Variants in NR6A1 observed in about 807,000 individuals in gnomAD.
NR6A1 encodes the protein nuclear receptor subfamily 6 group A member 1.
Under a neutral mutation model 59.1 loss-of-function variants are expected in NR6A1, and 7 were observed. That is an observed-to-expected ratio of 0.12 (90% CI 0.07 to 0.22). The LOEUF is 0.22. Among genes scored for constraint, NR6A1 ranks in the 10% least tolerant of loss-of-function variants. The pLI, the probability that NR6A1 is intolerant of heterozygous loss-of-function variation, is 1.00. For synonymous variants in NR6A1, 243 were observed against 236.1 expected (o/e 1.03, Z -0.27); for missense variants, 468 against 611.6 (o/e 0.77, Z 2.48).
chr9:124,530,331 G>C (rs1410160980), intron 7 of NR6A1, among the ~76,000 whole-genome samples: 1 of 152,136 alleles, frequency 6.6e-6, no homozygotes, highest in Non-Finnish European at 1.5e-5. Flanking sequence ...TGACTGCAAA[G>C]CTTTCCTCCA....
At chr9:124,565,235 T>C (rs1019974061) in intron 2 of NR6A1, among the ~76,000 whole-genome samples, 1 of 152,100 alleles carries the variant, frequency 6.6e-6, no homozygotes, top group Non-Finnish European at 1.5e-5. Context: ...AAGACCATCC[T>C]GGCTAACACG....
At chr9:124,536,657 T>C (rs1833275937) in intron 6 of NR6A1, among the ~76,000 whole-genome samples, 1 of 149,070 alleles carries the variant, frequency 6.7e-6, no homozygotes. Context: ...AGAGCAAGAC[T>C]CTGTCTAAAA....
At chr9:124,572,372 C>G (rs546686161) in intron 2 of NR6A1, among the ~76,000 whole-genome samples, 1 of 152,132 alleles carries the variant, frequency 6.6e-6, no homozygotes, top group Admixed American at 6.5e-5. Context: ...CATCTAAAGA[C>G]AACTTCAAGA....
chr9:124,553,395 C>T (rs2131383066), intron 3 of NR6A1, among the ~76,000 whole-genome samples: 1 of 152,258 alleles, frequency 6.6e-6, no homozygotes, highest in African/African-American at 2.4e-5. Context: ...CATCTCAGTT[C>T]CAATCCTATA....
chr9:124,764,886 G>A (rs1289887452), intron 1 of NR6A1, among the ~76,000 whole-genome samples: 1 of 152,176 alleles, frequency 6.6e-6, no homozygotes, highest in African/African-American at 2.4e-5. Flanking sequence ...GCTGCCCAGG[G>A]AATTGGTTTT....
At chr9:124,566,999 T>C (rs1410152194) in intron 2 of NR6A1, among the ~76,000 whole-genome samples, 1 of 150,532 alleles carries the variant, frequency 6.6e-6, no homozygotes, top group Non-Finnish European at 1.5e-5. Flanking sequence ...TCCCAGCTAC[T>C]TGGGAGGCTG....
intron 2 of NR6A1, among the ~76,000 whole-genome samples, chr9:124,709,963 A>G (rs1420495406): frequency 1.3e-5 from 2 of 151,670 alleles, no homozygotes; most frequent in Non-Finnish European, 2.9e-5. Context: ...AAAAAAAAAG[A>G]AACCCAGTAC....
chr9:124,695,689 G>A (rs982873512), intron 2 of NR6A1, among the ~76,000 whole-genome samples: 3 of 152,132 alleles, frequency 2.0e-5, no homozygotes, highest in African/African-American at 7.2e-5. Context: ...CTTTATAGAA[G>A]AGTTTTTTGT....
intron 2 of NR6A1, among the ~76,000 whole-genome samples, chr9:124,674,495 T>A (rs1472189018): frequency 6.6e-6 from 1 of 152,054 alleles, no homozygotes; most frequent in Admixed American, 6.5e-5. Context: ...TAAGTATCTA[T>A]CTTACTGGGT....
At chr9:124,750,479 G>A (rs1418261433) in intron 1 of NR6A1, among the ~76,000 whole-genome samples, 1 of 152,152 alleles carries the variant, frequency 6.6e-6, no homozygotes, top group Non-Finnish European at 1.5e-5. Flanking sequence ...TAAATAAATA[G>A]GCCAGGCGCG....
At chr9:124,694,628 G>C (rs553711126) in intron 2 of NR6A1, among the ~76,000 whole-genome samples, 1 of 152,096 alleles carries the variant, frequency 6.6e-6, no homozygotes, top group African/African-American at 2.4e-5. Flanking sequence ...TGTAACATGA[G>C]ATAAGCCACT....
chr9:124,610,020 GT>G (rs1453333157), intron 2 of NR6A1, among the ~76,000 whole-genome samples: 1 of 152,086 alleles, frequency 6.6e-6, no homozygotes, highest in Non-Finnish European at 1.5e-5. Flanking sequence ...GAAATGATGG[GT>G]TTTTTATAGG....
chr9:124,683,248 G>A (rs2130999008), intron 2 of NR6A1, among the ~76,000 whole-genome samples: 1 of 134,670 alleles, frequency 7.4e-6, no homozygotes, highest in Admixed American at 6.9e-5. Flanking sequence ...AAAAGGAAAA[G>A]GAAAAGGAAA....
intron 7 of NR6A1, among the ~76,000 whole-genome samples, chr9:124,534,883 C>T (rs947547479): frequency 6.6e-6 from 1 of 152,222 alleles, no homozygotes. Flanking sequence ...GTAATCCCAG[C>T]ACTTTGGAAG....
intron 2 of NR6A1, among the ~76,000 whole-genome samples, chr9:124,707,650 T>C (rs1385920716): frequency 1.3e-5 from 2 of 152,128 alleles, no homozygotes; most frequent in Admixed American, 6.6e-5. Flanking sequence ...CCCACTAAGG[T>C]TGGTGGTGAT....
intron 6 of NR6A1, 90 bp downstream of exon 6, chr9:124,538,002 G>A: frequency 1.9e-6 from 2 of 1,045,200 alleles, no homozygotes; most frequent in Non-Finnish European, 2.8e-6. Flanking sequence ...TCATTCTGAA[G>A]CCACGGGTAT....
chr9:124,602,514 G>C (rs1835474945), intron 2 of NR6A1, among the ~76,000 whole-genome samples: 1 of 152,330 alleles, frequency 6.6e-6, no homozygotes. Flanking sequence ...CTTGGGGGCA[G>C]AGTAAAGTGA....
At chr9:124,658,071 T>C (rs981477426) in intron 2 of NR6A1, among the ~76,000 whole-genome samples, 1 of 152,100 alleles carries the variant, frequency 6.6e-6, no homozygotes, top group Non-Finnish European at 1.5e-5. Context: ...TTATCAACAA[T>C]AGGGTGATTT....
At chr9:124,536,257 G>A (rs1431672153) in intron 6 of NR6A1, 125 bp from the exon 7 acceptor site, 10 of 1,057,974 alleles carry the variant, frequency 9.5e-6, no homozygotes, top group East Asian at 2.4e-5. Flanking sequence ...CCATGCCCAC[G>A]GGTCTCCAGT....
Sources: allele counts gnomAD v4.1 joint callset (sites outside exome capture counted in the v4.1 genomes callset), GRCh38; gene constraint gnomAD v4.1.1; transcripts MANE v1.5; gene names NCBI Gene and HGNC (gene_info 2026-07-23, HGNC 2026-07-21).